FBXO34: variants seen among roughly 807,000 people sequenced by gnomAD.
The protein encoded by FBXO34 is F-box protein 34, also known as F-box only protein 34.
In FBXO34, 12 loss-of-function variants were observed where a neutral mutation model predicts 24.5. The ratio of observed to expected loss-of-function variants is 0.49; its 90% confidence interval spans 0.31 to 0.79. The LOEUF (loss-of-function observed/expected upper bound fraction) is 0.79. Ranked by LOEUF, FBXO34 falls within the 30% of genes least tolerant of loss-of-function variation. FBXO34 has a pLI of 0.04. For synonymous variants in FBXO34, 320 were observed against 311.9 expected (o/e 1.03, Z -0.27); for missense variants, 823 against 857.7 (o/e 0.96, Z 0.51).
intron 1 of FBXO34, among the ~76,000 whole-genome samples, chr14:55,274,536 T>C (rs1180199733): frequency 6.6e-6 from 1 of 152,240 alleles, no homozygotes; most frequent in Non-Finnish European, 1.5e-5. Context: ...TATTCACTTA[T>C]ATAATTTGAA....
the FBXO34 span, chr14:55,397,476 T>C: frequency 3.3e-6 from 5 of 1,500,960 alleles, no homozygotes; most frequent in African/African-American, 6.8e-5. Flanking sequence ...ATGGTCATTT[T>C]TTCAGTTCAA....
At chr14:55,431,541 A>G in the FBXO34 span, among the ~76,000 whole-genome samples, 1 of 152,174 alleles carries the variant, frequency 6.6e-6, no homozygotes, top group Non-Finnish European at 1.5e-5. Context: ...TCCCTGTTCT[A>G]TTGCTGAAAT....
At chr14:55,369,793 C>T (rs1884771554), downstream of FBXO34, 1 of 1,614,036 alleles carries the variant, frequency 6.2e-7, no homozygotes, top group Non-Finnish European at 8.5e-7. Flanking sequence ...GCAAGTTCTC[C>T]CAGTCTGTGC....
the FBXO34 span, among the ~76,000 whole-genome samples, chr14:55,415,739 G>T: frequency 1.3e-5 from 2 of 152,170 alleles, no homozygotes; most frequent in South Asian, 2.1e-4. Flanking sequence ...GGCGGTGGGC[G>T]TCTGTCATCC....
intron 1 of FBXO34, among the ~76,000 whole-genome samples, chr14:55,295,409 T>C (rs1201268871): frequency 1.6e-5 from 2 of 122,480 alleles, no homozygotes; most frequent in Non-Finnish European, 3.5e-5. Flanking sequence ...TTTTTTTTTT[T>C]TGGAGACAGA....
the FBXO34 span, among the ~76,000 whole-genome samples, chr14:55,377,347 C>CAA: frequency 6.9e-6 from 1 of 144,334 alleles, no homozygotes; most frequent in Non-Finnish European, 1.5e-5. Flanking sequence ...AACCCCATCT[C>CAA]AAAAAAAAAA....
the FBXO34 span, chr14:55,397,369 C>CA: frequency 1.2e-6 from 2 of 1,612,580 alleles, no homozygotes; most frequent in East Asian, 2.2e-5. Flanking sequence ...ACAAAACACT[C>CA]ACTCTTTCTG....
rs1022100779 is a variant in FBXO34 at position 55,316,766 on chromosome 14, G to C, written c.-10-33615G>C. The stretch of plus-strand genomic sequence containing the variant: ...ATAAAAGAATTTCAAGACGGCAACA[G>C]CAGAGCATTAAACCGATTTTCAGAC... On this transcript the variant is annotated intron_variant, in intron 1 of 1. Transcript: ENST00000313833. Among the ~76,000 whole-genome samples the C allele has an allele frequency of 2.7e-5, 4 of 150,898 alleles. 1 individual carries two copies. In the South Asian group the frequency reaches 8.4e-4, roughly 32 times the overall value.
At chr14:55,427,832 TACACACACAC>T in the FBXO34 span, among the ~76,000 whole-genome samples, 1 of 145,108 alleles carries the variant, frequency 6.9e-6, no homozygotes, top group African/African-American at 2.6e-5. Context: ...TGCAGCTATA[TACACACACAC>T]ACACACACAC....
the FBXO34 span, among the ~76,000 whole-genome samples, chr14:55,382,701 G>T: frequency 6.6e-6 from 1 of 152,176 alleles, no homozygotes; most frequent in East Asian, 1.9e-4. Context: ...CAGAGAGGAA[G>T]ATCAAACCAG....
intron 1 of FBXO34, among the ~76,000 whole-genome samples, chr14:55,305,139 C>A (rs761820794): frequency 1.4e-4 from 21 of 152,160 alleles, no homozygotes; most frequent in Non-Finnish European, 2.4e-4. Context: ...TTGGCCGGGC[C>A]TGATGGCTCA....
At chr14:55,312,309 C>T (rs941321167) in intron 1 of FBXO34, among the ~76,000 whole-genome samples, 20 of 152,324 alleles carry the variant, frequency 1.3e-4, no homozygotes, top group African/African-American at 4.6e-4. Flanking sequence ...TGGGCAGCTC[C>T]ACCTGTGGCT....
the FBXO34 span, chr14:55,397,286 C>T: frequency 1.8e-5 from 20 of 1,132,054 alleles, 1 homozygote; most frequent in Admixed American, 3.7e-5. Flanking sequence ...GTTAGCAATC[C>T]GTATATCTGC....
At position 55,351,695 on chromosome 14, in the gene FBXO34, G is replaced by T. The variant is rs1276846867; in HGVS notation, c.1305G>T (p.Met435Ile). 1.9e-6 allele frequency: 3 copies of T among 1,614,086 alleles called. No individual in the cohort carries two copies. The East Asian group carries it at 6.7e-5, about 36-fold the overall frequency. ...TGCCCACAGATGCTGTTGATTGTAT[G>T]AGCAGAGAGCTTGTGTCCCTTACTA... ...SELPTDAVDC[M>I]SRELVSLTSR... Residue 435 changes from methionine to isoleucine, a missense_variant, in exon 2 of 2, where the codon ATG becomes ATT. Around this residue, in one of 2 missense-constraint regions of FBXO34, gnomAD observed 693 missense variants for 659.1 expected, o/e 1.05. Coordinates refer to ENST00000313833, the MANE Select transcript of FBXO34 (RefSeq NM_017943.4).
chr14:55,286,545 A>G (rs891162981), intron 1 of FBXO34, among the ~76,000 whole-genome samples: 17 of 152,150 alleles, frequency 1.1e-4, no homozygotes, highest in African/African-American at 3.1e-4. Flanking sequence ...CCTTTAGTCT[A>G]TGTTGCTGAA....
chr14:55,403,901 G>A, the FBXO34 span, among the ~76,000 whole-genome samples: 2 of 152,096 alleles, frequency 1.3e-5, no homozygotes, highest in South Asian at 4.1e-4. Context: ...TTAAAAACAT[G>A]CATTTTAGAT....
downstream of FBXO34, chr14:55,354,663 T>G (rs1027442651): frequency 3.3e-5 from 5 of 152,290 alleles, no homozygotes; most frequent in Admixed American, 6.5e-5. Context: ...TTGAACTATG[T>G]GGCAGGACCT....
chr14:55,328,783 C>T (rs1230424820), intron 1 of FBXO34, among the ~76,000 whole-genome samples: 2 of 151,998 alleles, frequency 1.3e-5, no homozygotes, highest in Non-Finnish European at 2.9e-5. Context: ...GTTTGAGGTG[C>T]CCTGGGGTAT....
the FBXO34 span, among the ~76,000 whole-genome samples, chr14:55,405,729 A>G: frequency 1.3e-5 from 2 of 152,210 alleles, no homozygotes; most frequent in East Asian, 1.9e-4. Flanking sequence ...TGTAATTTTA[A>G]TATGTCCAGC....
Sources: gnomAD v4.1 joint callset for allele counts (sites outside exome capture counted in the v4.1 genomes callset) on GRCh38, gnomAD v4.1.1 for gene constraint, gnomAD v4.1.1 regional missense constraint, MANE v1.5 for transcripts, NCBI Gene and HGNC (gene_info 2026-07-23, HGNC 2026-07-21) for gene names.